The following KLHDC4 variants were observed in gnomAD, a reference collection of about 807,000 sequenced individuals.
The protein encoded by KLHDC4 is kelch domain containing 4, also known as kelch domain-containing protein 4.
In KLHDC4, 90 loss-of-function variants were observed where a neutral mutation model predicts 62.4. The ratio of observed to expected loss-of-function variants is 1.44; its 90% CI spans 1.22 to 1.72. The LOEUF (loss-of-function observed/expected upper bound fraction) is 1.72. Ranked by LOEUF, KLHDC4 falls within the 40% of genes most tolerant of loss-of-function variation. The pLI, the probability that KLHDC4 is intolerant of heterozygous loss-of-function variation, is 0.00. For synonymous variants in KLHDC4, 386 were observed against 284.4 expected (o/e 1.36, Z -3.59); for missense variants, 1,025 against 699.7 (o/e 1.47, Z -5.25).
In KLHDC4 at chr16:87,716,473, G is replaced by T. The variant is rs12051278; in HGVS notation, c.760-1900C>A. 1.1e-3 allele frequency among the ~76,000 whole-genome samples: 171 copies of T among 152,246 alleles called. 3 individuals are homozygous for T. The East Asian group carries it at 0.027, about 24-fold the overall frequency. ...CTAGGAGCCTTTACAGCTACTCTTGGGTCCCTGTGACTTGCACCATCTTTG... is the reference window on the plus strand; with the variant it reads ...CTAGGAGCCTTTACAGCTACTCTTGTGTCCCTGTGACTTGCACCATCTTTG... On this transcript the variant is annotated intron_variant, in intron 7 of 11. Coordinates refer to ENST00000270583, the MANE Select transcript of KLHDC4 (RefSeq NM_017566.4).
intron 7 of KLHDC4, among the ~76,000 whole-genome samples, chr16:87,725,914 A>C (rs2039287848): frequency 6.6e-6 from 1 of 152,164 alleles, no homozygotes; most frequent in Non-Finnish European, 1.5e-5. Context: ...CACAGAGACT[A>C]CTACACAGTA....
rs918698008 is a variant in KLHDC4 at position 87,740,393 on chromosome 16, G to C, written c.506+8280C>G. Among the ~76,000 whole-genome samples, 3 of 152,156 alleles carry C rather than the reference G, an allele frequency of 2.0e-5. No individual in the cohort carries two copies. The South Asian group carries it at 6.2e-4, about 32-fold the overall frequency. ...TTGACAAGTTGTGGGGGTGGGGAGAGGGGAAACCCTACTTTGGGGGTTCCC... is the reference window on the plus strand; with the variant it reads ...TTGACAAGTTGTGGGGGTGGGGAGACGGGAAACCCTACTTTGGGGGTTCCC... On this transcript the variant is annotated intron_variant, in intron 5 of 11. Transcript: ENST00000270583.
chr16:87,704,660 C>T (rs2034451475), downstream of KLHDC4, among the ~76,000 whole-genome samples: 1 of 152,102 alleles, frequency 6.6e-6, no homozygotes, highest in Non-Finnish European at 1.5e-5. Context: ...GGTATTTGGT[C>T]CCCCAGTGAC....
intron 2 of KLHDC4, among the ~76,000 whole-genome samples, chr16:87,761,033 A>C (rs932943503): frequency 6.6e-6 from 1 of 152,214 alleles, no homozygotes; most frequent in Admixed American, 6.6e-5. Flanking sequence ...ACTCCATCTC[A>C]AAAAGAAAAA....
rs538331034 is a variant in KLHDC4, at chr16:87,730,569, G to A, written c.582C>T (p.Gly194=). The A allele has an allele frequency of 1.2e-6, 2 of 1,612,182 alleles. No homozygotes were observed. Among genetic ancestry groups the A allele is most frequent in the South Asian group, 1.1e-5 (1 of 90,532 alleles). ...AWKRQLILFG[G]FHESTRDYIY... is the part of the protein sequence containing the mutation. The stretch of plus-strand genomic sequence containing the variant: ...GTACCAACCGTGTACTTTCATGGAA[G>A]CCACCAAACAGGATCAATTGTCTCT... Residue 194 remains glycine (G), a synonymous_variant, in exon 6 of 12, where the codon GGC becomes GGT. Coordinates refer to ENST00000270583, the MANE Select transcript of KLHDC4 (RefSeq NM_017566.4).
exon 1 of KLHDC4, chr16:87,701,826 C>T (rs778717474): frequency 1.3e-5 from 6 of 456,612 alleles, no homozygotes; most frequent in African/African-American, 4.0e-5. Context: ...TCCAGCTGCA[C>T]CACCACTGCT....
At chr16:87,752,387 G>C (rs1471560860) in intron 4 of KLHDC4, among the ~76,000 whole-genome samples, 1 of 148,092 alleles carries the variant, frequency 6.8e-6, no homozygotes, top group Non-Finnish European at 1.5e-5. Context: ...CCAGGCTGGA[G>C]TGCAGTGGCG....
chr16:87,764,273 C>T (rs568468300), intron 1 of KLHDC4, among the ~76,000 whole-genome samples: 1 of 152,292 alleles, frequency 6.6e-6, no homozygotes, highest in East Asian at 1.9e-4. Flanking sequence ...CCAGGCCTGA[C>T]AGGCTCTCTC....
intron 1 of KLHDC4, chr16:87,765,314 A>C: frequency 2.2e-6 from 1 of 456,406 alleles, no homozygotes; most frequent in Non-Finnish European, 4.4e-6. Context: ...CTCACTGCTC[A>C]GGGCTGCTGT....
chr16:87,734,068 G>A (rs1398614173), intron 5 of KLHDC4, among the ~76,000 whole-genome samples: 2 of 152,192 alleles, frequency 1.3e-5, no homozygotes, highest in Admixed American at 6.5e-5. Context: ...CAAGAGGGCC[G>A]GGCGCGGTGG....
chr16:87,718,401 G>C (rs558092618), intron 7 of KLHDC4, among the ~76,000 whole-genome samples: 1 of 120,574 alleles, frequency 8.3e-6, no homozygotes, highest in Non-Finnish European at 1.9e-5. Context: ...CTCTCTCCAC[G>C]GTCTCCCTCT....
chr16:87,717,624 T>C (rs1057160517), intron 7 of KLHDC4, among the ~76,000 whole-genome samples: 1 of 152,206 alleles, frequency 6.6e-6, no homozygotes, highest in Non-Finnish European at 1.5e-5. Context: ...TTGAGACTAG[T>C]CTCTTTTTGT....
At chr16:87,735,751 T>C (rs2041203732) in intron 5 of KLHDC4, among the ~76,000 whole-genome samples, 1 of 152,242 alleles carries the variant, frequency 6.6e-6, no homozygotes, top group Non-Finnish European at 1.5e-5. Context: ...CATGTCCTCC[T>C]CAGCCAGAGG....
intron 8 of KLHDC4, 28 bp from the exon 9 acceptor site, chr16:87,711,471 T>G (rs745497850): frequency 6.3e-7 from 1 of 1,583,882 alleles, no homozygotes. Flanking sequence ...GGAAGTGGGA[T>G]AAGAACACAA....
intron 6 of KLHDC4, among the ~76,000 whole-genome samples, chr16:87,728,027 AAC>A (rs755245745): frequency 5.9e-5 from 9 of 152,090 alleles, no homozygotes; most frequent in South Asian, 4.1e-4. Context: ...CTCTACTAAA[AAC>A]ACAAAAAATT....
At chr16:87,722,446 T>C (rs1044815524) in intron 7 of KLHDC4, among the ~76,000 whole-genome samples, 3 of 151,544 alleles carry the variant, frequency 2.0e-5, no homozygotes, top group Non-Finnish European at 4.4e-5. Flanking sequence ...TACTGTCCAC[T>C]TCATGAACCC....
intron 4 of KLHDC4, among the ~76,000 whole-genome samples, chr16:87,752,590 C>T (rs557062416): frequency 2.8e-4 from 43 of 152,046 alleles, no homozygotes; most frequent in Non-Finnish European, 4.3e-4. Context: ...CCATCCCGGC[C>T]TCCCAAAGTG....
downstream of KLHDC4, among the ~76,000 whole-genome samples, chr16:87,707,435 C>T (rs1396354892): frequency 1.3e-5 from 2 of 152,196 alleles, no homozygotes; most frequent in Non-Finnish European, 2.9e-5. Flanking sequence ...AGGAGTGAGG[C>T]CGCTGCACAC....
chr16:87,740,509 A>T (rs2042079012), intron 5 of KLHDC4: 1 of 152,202 alleles, frequency 6.6e-6, no homozygotes, highest in Non-Finnish European at 1.5e-5. Flanking sequence ...CGCCCAGCCC[A>T]GCGGAGGGTG....
Sources: allele counts gnomAD v4.1 joint callset (sites outside exome capture counted in the v4.1 genomes callset), GRCh38; gene constraint gnomAD v4.1.1; transcripts MANE v1.5; gene names NCBI Gene and HGNC (gene_info 2026-07-23, HGNC 2026-07-21).